Variants in RIT2 observed in about 807,000 individuals in gnomAD.
RIT2 encodes Ras like without CAAX 2.
RIT2 carries 24 observed loss-of-function variants against 23.7 expected under a neutral mutation model. The observed-to-expected ratio is 1.01, with a 90% CI of 0.73 to 1.43. RIT2 has a LOEUF of 1.43. RIT2 is among the 40% of genes most tolerant of loss of function. The pLI, the probability that RIT2 is intolerant of heterozygous loss-of-function variation, is 0.00. For synonymous variants in RIT2, 107 were observed against 91.1 expected (o/e 1.17, Z -0.99); for missense variants, 236 against 266.9 (o/e 0.88, Z 0.81).
chr18:43,110,132 AAT>A (rs1469738201), intron 1 of RIT2, among the ~76,000 whole-genome samples: 5 of 152,030 alleles, frequency 3.3e-5, no homozygotes, highest in African/African-American at 9.6e-5. Context: ...TTTATGCGAT[AAT>A]ATCTTATTTT....
chr18:43,002,707 A>G (rs1365085113), intron 2 of RIT2, among the ~76,000 whole-genome samples: 1 of 151,990 alleles, frequency 6.6e-6, no homozygotes, highest in East Asian at 1.9e-4. Context: ...ATAATCTACT[A>G]TAACACCTGT....
At chr18:42,830,505 T>A (rs1906426114) in intron 4 of RIT2, among the ~76,000 whole-genome samples, 1 of 152,188 alleles carries the variant, frequency 6.6e-6, no homozygotes, top group Admixed American at 6.5e-5. Context: ...CTTTGAGGAA[T>A]AACCCAGGGG....
At chr18:42,928,123 C>T (rs546691107) in intron 3 of RIT2, among the ~76,000 whole-genome samples, 7 of 151,962 alleles carry the variant, frequency 4.6e-5, no homozygotes, top group African/African-American at 1.2e-4. Flanking sequence ...TTTAATAAAC[C>T]GCATGTCCAC....
At chr18:42,789,519 T>G (rs1245412540) in intron 4 of RIT2, among the ~76,000 whole-genome samples, 1 of 152,224 alleles carries the variant, frequency 6.6e-6, no homozygotes, top group Non-Finnish European at 1.5e-5. Flanking sequence ...ATTGATGTTT[T>G]GCAGTTTTCC....
intron 4 of RIT2, among the ~76,000 whole-genome samples, chr18:42,778,507 T>C (rs1913731656): frequency 6.6e-6 from 1 of 152,180 alleles, no homozygotes; most frequent in Non-Finnish European, 1.5e-5. Context: ...ACCAATACAT[T>C]TTCCTAGTGA....
chr18:42,745,928 A>G (rs1912906317), intron 4 of RIT2, among the ~76,000 whole-genome samples: 1 of 152,124 alleles, frequency 6.6e-6, no homozygotes, highest in Admixed American at 6.6e-5. Context: ...TTACACTTAT[A>G]TTAATACAGC....
chr18:42,971,955 C>A (rs994338140), intron 3 of RIT2, among the ~76,000 whole-genome samples: 1 of 151,892 alleles, frequency 6.6e-6, no homozygotes, highest in African/African-American at 2.4e-5. Flanking sequence ...ACACTGGGGA[C>A]CAGGTAAGTC....
intron 2 of RIT2, among the ~76,000 whole-genome samples, chr18:42,987,117 T>TTA (rs975622134): frequency 2.0e-5 from 3 of 152,252 alleles, no homozygotes; most frequent in African/African-American, 4.8e-5. Flanking sequence ...TTGGTTTCAG[T>TTA]TATATATATA....
intron 1 of RIT2, among the ~76,000 whole-genome samples, chr18:43,090,727 G>A (rs1167794562): frequency 4.6e-5 from 7 of 152,034 alleles, no homozygotes; most frequent in Non-Finnish European, 1.5e-5. Flanking sequence ...AACTTGGATG[G>A]AGCAAGTTTG....
intron 3 of RIT2, among the ~76,000 whole-genome samples, chr18:42,952,963 T>C (rs571042325): frequency 1.3e-5 from 2 of 151,350 alleles, no homozygotes; most frequent in East Asian, 3.9e-4. Flanking sequence ...TTTTTCACAC[T>C]ATACCATCCT....
intron 1 of RIT2, among the ~76,000 whole-genome samples, chr18:43,078,624 C>A (rs768560445): frequency 6.6e-6 from 1 of 152,182 alleles, no homozygotes; most frequent in Non-Finnish European, 1.5e-5. Flanking sequence ...TACATTCCTC[C>A]TGGAGCCTTC....
intron 4 of RIT2, among the ~76,000 whole-genome samples, chr18:42,753,476 A>G (rs918364778): frequency 4.6e-5 from 7 of 152,280 alleles, no homozygotes; most frequent in Admixed American, 6.5e-5. Flanking sequence ...TTGCAAGCAA[A>G]AATCTTAGTG....
chr18:43,048,828 C>T (rs147702061), intron 1 of RIT2, among the ~76,000 whole-genome samples: 9 of 152,186 alleles, frequency 5.9e-5, no homozygotes, highest in East Asian at 1.9e-4. Context: ...ACTGGTGTTT[C>T]GCTTTAATGA....
chr18:42,894,876 G>T (rs948727109), intron 4 of RIT2, among the ~76,000 whole-genome samples: 1 of 152,210 alleles, frequency 6.6e-6, no homozygotes, highest in African/African-American at 2.4e-5. Context: ...TATGCATAGA[G>T]AAGTAGTTTT....
intron 2 of RIT2, among the ~76,000 whole-genome samples, chr18:42,993,689 A>G (rs907436229): frequency 6.6e-6 from 1 of 152,052 alleles, no homozygotes; most frequent in Non-Finnish European, 1.5e-5. Context: ...TTCCTGGGCT[A>G]CAGCCACACC....
chr18:42,902,193 A>G (rs1204902244), intron 4 of RIT2, among the ~76,000 whole-genome samples: 1 of 151,808 alleles, frequency 6.6e-6, no homozygotes, highest in Non-Finnish European at 1.5e-5. Context: ...ATTAATGTCA[A>G]AAGGTATGAC....
intron 4 of RIT2, among the ~76,000 whole-genome samples, chr18:42,833,077 C>T (rs981336907): frequency 2.8e-5 from 4 of 141,470 alleles, no homozygotes; most frequent in Non-Finnish European, 4.6e-5. Flanking sequence ...AAAAAAAAGA[C>T]GGCTTACTTG....
At chr18:43,105,998 G>T (rs973704895) in intron 1 of RIT2, among the ~76,000 whole-genome samples, 1 of 152,178 alleles carries the variant, frequency 6.6e-6, no homozygotes, top group African/African-American at 2.4e-5. Flanking sequence ...CAGTGGTTGA[G>T]TCCTGCATAG....
chr18:43,092,541 A>C (rs1384025563), intron 1 of RIT2, among the ~76,000 whole-genome samples: 2 of 152,068 alleles, frequency 1.3e-5, no homozygotes, highest in Non-Finnish European at 2.9e-5. Flanking sequence ...ACTTAAATAC[A>C]GTCTCAAGAT....
Sources: allele counts gnomAD v4.1 joint callset (sites outside exome capture counted in the v4.1 genomes callset), GRCh38; gene constraint gnomAD v4.1.1; transcripts MANE v1.5; gene names NCBI Gene and HGNC (gene_info 2026-07-23, HGNC 2026-07-21).